The following RYR2 variants were observed in gnomAD, a reference collection of about 807,000 sequenced individuals.
RYR2 encodes the protein cardiac muscle ryanodine receptor-calcium release channel.
Under a neutral mutation model 601.1 loss-of-function variants are expected in RYR2, and 227 were observed. The ratio of observed to expected loss-of-function variants is 0.38; its 90% CI spans 0.34 to 0.42. The LOEUF is 0.42. Among genes scored for constraint, RYR2 ranks in the 10% least tolerant of loss-of-function variants. The probability of loss-of-function intolerance (pLI) is 1.00; values close to 1 mark genes in which losing one functional copy is unlikely to be tolerated. For synonymous variants in RYR2, 2,223 were observed against 2,175.1 expected (o/e 1.02, Z -0.61); for missense variants, 4,646 against 6,156.5 (o/e 0.75, Z 8.21).
At chr1:237,219,031 T>TA (rs1683498723) in intron 1 of RYR2, among the ~76,000 whole-genome samples, 1 of 150,184 alleles carries the variant, frequency 6.7e-6, no homozygotes, top group East Asian at 1.9e-4. Flanking sequence ...TTTTTTTTTT[T>TA]AGCTGGCGTC....
chr1:237,364,441 G>GCAGA, intron 5 of RYR2, 69 bp downstream of exon 5: 9 of 797,356 alleles, frequency 1.1e-5, no homozygotes, highest in Non-Finnish European at 1.8e-5. Flanking sequence ...GATTATATAT[G>GCAGA]TATGTATCTG....
At chr1:237,682,304 C>A (rs1239960631) in intron 62 of RYR2, among the ~76,000 whole-genome samples, 2 of 152,120 alleles carry the variant, frequency 1.3e-5, no homozygotes, top group Non-Finnish European at 2.9e-5. Context: ...AGGTACATCG[C>A]TATTTTGTGC....
At chr1:237,341,973 CA>C (rs1409321287) in intron 3 of RYR2, among the ~76,000 whole-genome samples, 1 of 152,128 alleles carries the variant, frequency 6.6e-6, no homozygotes, top group Non-Finnish European at 1.5e-5. Context: ...CAAAGTGTCC[CA>C]GTCTGGATGA....
chr1:237,193,248 G>A (rs1479873748), intron 1 of RYR2, among the ~76,000 whole-genome samples: 4 of 151,712 alleles, frequency 2.6e-5, no homozygotes, highest in Admixed American at 1.3e-4. Flanking sequence ...GGTGGATCAC[G>A]AGGTCAGGAG....
chr1:237,305,585 C>T (rs1408072559), intron 2 of RYR2, among the ~76,000 whole-genome samples: 3 of 152,156 alleles, frequency 2.0e-5, no homozygotes, highest in South Asian at 4.1e-4. Context: ...GCATGCGCCA[C>T]CAAGCTGGGC....
intron 38 of RYR2, among the ~76,000 whole-genome samples, chr1:237,620,382 A>G (rs1364867503): frequency 6.6e-6 from 1 of 152,034 alleles, no homozygotes; most frequent in Non-Finnish European, 1.5e-5. Flanking sequence ...GATTCTAAAT[A>G]TTGTTCAAGT....
intron 1 of RYR2, among the ~76,000 whole-genome samples, chr1:237,063,344 T>G (rs1391596024): frequency 6.6e-6 from 1 of 152,190 alleles, no homozygotes. Context: ...TATTTATTTT[T>G]TCATTTTTTG....
chr1:237,491,948 T>C (rs1326807281), intron 18 of RYR2, 24 bp downstream of exon 18: 12 of 956,308 alleles, frequency 1.3e-5, no homozygotes, highest in Non-Finnish European at 1.9e-5. Context: ...TTTATTTCCC[T>C]GAATGAATTC....
chr1:237,730,484 T>C (rs1273917351), intron 77 of RYR2, 128 bp downstream of exon 77: 5 of 506,198 alleles, frequency 9.9e-6, no homozygotes, highest in Non-Finnish European at 1.8e-5. Flanking sequence ...TAGGAAACTT[T>C]TAAATCTTAA....
Position 237,402,197 on chromosome 1 carries a change from C to T in RYR2, c.773+14014C>T, listed in dbSNP as rs116695500. Among the ~76,000 whole-genome samples, 1,367 of 150,894 alleles carry T rather than the reference C, an allele frequency of 9.1e-3. 23 individuals are homozygous for T. Among genetic ancestry groups the T allele is most frequent in the African/African-American group, 0.032 (1,312 of 41,120 alleles). On this transcript the variant is annotated intron_variant, in intron 10 of 104. Transcript: ENST00000366574. ...TCACTTGGGCCCAGGAGTTCGAGAC[C>T]TGCCTGGGCAACATAAAGAGGCCTT...
At chr1:237,789,883 C>G (rs113403176) in intron 92 of RYR2, among the ~76,000 whole-genome samples, 34 of 152,298 alleles carry the variant, frequency 2.2e-4, no homozygotes, top group African/African-American at 7.0e-4. Context: ...CCTCTGTGAC[C>G]CAGATCCACC....
At chr1:237,249,773 T>G (rs758991670) in intron 1 of RYR2, among the ~76,000 whole-genome samples, 2 of 152,178 alleles carry the variant, frequency 1.3e-5, no homozygotes, top group Non-Finnish European at 2.9e-5. Context: ...ATTGGTTTTA[T>G]TTTTAAATTT....
At position 237,076,771 on chromosome 1, in the gene RYR2, A is replaced by G. The variant is rs1337020758; in HGVS notation, c.48+34202A>G. Among the ~76,000 whole-genome samples, 3 of 10,442 alleles carry G rather than the reference A, an allele frequency of 2.9e-4. No individual in the cohort carries two copies. In the East Asian group the frequency reaches 5.7e-3, roughly 20 times the overall value. 6.9% of individuals were successfully genotyped at this position (10,442 alleles called of 152,430 possible). A position where few individuals can be genotyped will look rare whatever the true frequency, so the allele number is the denominator to read the frequency against. Reference sequence around the variant, plus strand: ...CAACGTTCAGATTCAGGAAATACAGAGAACGCCACAAAGATACTCCTCGAG... The same window carrying G: ...CAACGTTCAGATTCAGGAAATACAGGGAACGCCACAAAGATACTCCTCGAG... On this transcript the variant is annotated intron_variant, in intron 1 of 104. Coordinates refer to ENST00000366574, the MANE Select transcript of RYR2 (RefSeq NM_001035.3).
intron 13 of RYR2, among the ~76,000 whole-genome samples, chr1:237,442,493 G>C (rs918088409): frequency 6.6e-6 from 1 of 152,052 alleles, no homozygotes; most frequent in Admixed American, 6.6e-5. Context: ...CCACAGTACA[G>C]TTACATAGCA....
intron 1 of RYR2, among the ~76,000 whole-genome samples, chr1:237,241,023 C>G (rs1321020653): frequency 6.6e-6 from 1 of 152,048 alleles, no homozygotes; most frequent in Non-Finnish European, 1.5e-5. Context: ...ATGTATATGC[C>G]AAACTGTAAT....
intron 1 of RYR2, among the ~76,000 whole-genome samples, 182 bp downstream of exon 1, chr1:237,042,751 G>A (rs886222966): frequency 6.6e-6 from 1 of 152,158 alleles, no homozygotes; most frequent in African/African-American, 2.4e-5. Flanking sequence ...TGGGGCGAGG[G>A]AAGGCAAGGG....
intron 10 of RYR2, among the ~76,000 whole-genome samples, chr1:237,404,453 A>G (rs1178134936): frequency 1.3e-5 from 2 of 152,222 alleles, no homozygotes; most frequent in African/African-American, 4.8e-5. Flanking sequence ...ATGTAAAATT[A>G]AAGGAGAAAC....
intron 104 of RYR2, among the ~76,000 whole-genome samples, 189 bp from the exon 105 acceptor site, chr1:237,832,363 A>G (rs1663898630): frequency 6.6e-6 from 1 of 152,048 alleles, no homozygotes; most frequent in South Asian, 2.1e-4. Flanking sequence ...ACATATTTTT[A>G]TCATTATAAT....
chr1:237,554,204 T>C (rs1467673870), intron 27 of RYR2, among the ~76,000 whole-genome samples: 1 of 151,874 alleles, frequency 6.6e-6, no homozygotes, highest in Non-Finnish European at 1.5e-5. Flanking sequence ...TTATCATAAA[T>C]AGGGTCATGA....
Sources: gnomAD v4.1 joint callset for allele counts (sites outside exome capture counted in the v4.1 genomes callset) on GRCh38, gnomAD v4.1.1 for gene constraint, MANE v1.5 for transcripts, NCBI Gene and HGNC (gene_info 2026-07-23, HGNC 2026-07-21) for gene names.